Variants in TEKT3 observed in about 807,000 individuals in gnomAD.
TEKT3 encodes the protein tektin 3.
In TEKT3, 49 loss-of-function variants were observed where a neutral mutation model predicts 49.8. That is an observed-to-expected ratio of 0.98 (90% CI 0.78 to 1.25). The LOEUF (loss-of-function observed/expected upper bound fraction) is 1.25. Ranked by LOEUF, TEKT3 falls within the 50% of genes most tolerant of loss-of-function variation. TEKT3 has a pLI of 0.00. For missense variants in TEKT3, 595 were observed against 629.5 expected (o/e 0.95, Z 0.59); for synonymous variants, 225 against 237.2 (o/e 0.95, Z 0.47).
chr17:15,307,109 A>G (rs1597655592), intron 8 of TEKT3: 2 of 152,228 alleles, frequency 1.3e-5, no homozygotes, highest in Admixed American at 1.3e-4. Context: ...CATGGCACTC[A>G]ACACAGACAA....
At chr17:15,341,102 C>T (rs1056326740) in intron 1 of TEKT3, among the ~76,000 whole-genome samples, 1 of 152,172 alleles carries the variant, frequency 6.6e-6, no homozygotes, top group African/African-American at 2.4e-5. Flanking sequence ...CTCTCCTCCC[C>T]GTGGCTGCAG....
chr17:15,328,540 CATTG>C (rs1437063521), intron 3 of TEKT3, among the ~76,000 whole-genome samples: 2 of 152,090 alleles, frequency 1.3e-5, no homozygotes, highest in African/African-American at 2.4e-5. Context: ...TTTAAAGTGT[CATTG>C]ATTGTTTTCC....
At chr17:15,342,458 C>G (rs1236918671), upstream of TEKT3, among the ~76,000 whole-genome samples, 2 of 152,146 alleles carry the variant, frequency 1.3e-5, no homozygotes, top group Non-Finnish European at 2.9e-5. Flanking sequence ...TTTGGCTTTT[C>G]TGGGAATCAC....
chr17:15,340,382 A>C (rs1447581810), intron 1 of TEKT3: 1 of 119,812 alleles, frequency 8.3e-6, no homozygotes, highest in Non-Finnish European at 1.9e-5. Context: ...AAAAATACAA[A>C]AAAAAAAAAA....
chr17:15,308,762 G>C lies in TEKT3; in HGVS notation c.1158C>G (p.Ile386Met), dbSNP rs767361292. 3 of 1,613,934 alleles carry C rather than the reference G, an allele frequency of 1.9e-6. No individual in the cohort carries two copies. The highest frequency in any genetic ancestry group is 8.5e-7 in the Non-Finnish European group (1 of 1,180,038). The change falls in exon 8 of 9, where the codon ATC becomes ATG. Residue 386 changes from isoleucine (I) to methionine (M), a missense_variant. By Grantham distance (10) the Ile-to-Met change is conservative. Transcript: ENST00000395930. Reference sequence around the variant, plus strand: ...CCTTCAGGAAGGCAGTCTTGTCCTTGATGGCCTTCTTGATGGATTCTATGG... The same window carrying C: ...CCTTCAGGAAGGCAGTCTTGTCCTTCATGGCCTTCTTGATGGATTCTATGG... ...EMTIESIKKA[I>M]KDKTAFLKVA... is the part of the protein sequence containing the mutation.
At chr17:15,335,617 T>C (rs1023253993) in intron 2 of TEKT3, among the ~76,000 whole-genome samples, 3 of 152,198 alleles carry the variant, frequency 2.0e-5, no homozygotes, top group African/African-American at 7.2e-5. Context: ...CACTCCAATA[T>C]GTAACATCAC....
intron 2 of TEKT3, among the ~76,000 whole-genome samples, chr17:15,337,226 T>G (rs532929029): frequency 1.3e-4 from 20 of 152,170 alleles, no homozygotes; most frequent in African/African-American, 4.8e-4. Flanking sequence ...CTCAATATTT[T>G]TAAGAATGTA....
intron 2 of TEKT3, among the ~76,000 whole-genome samples, chr17:15,337,434 T>C (rs1912028514): frequency 6.6e-6 from 1 of 152,160 alleles, no homozygotes; most frequent in Non-Finnish European, 1.5e-5. Flanking sequence ...ATGCTGATAA[T>C]TAAACAATCC....
At chr17:15,315,565 T>G in intron 5 of TEKT3, among the ~76,000 whole-genome samples, 1 of 144,246 alleles carries the variant, frequency 6.9e-6, no homozygotes, top group Admixed American at 7.1e-5. Flanking sequence ...CAAGAGAATC[T>G]CCTATGAAAT....
intron 8 of TEKT3, 56 bp downstream of exon 8, chr17:15,308,608 C>A: frequency 1.3e-6 from 2 of 1,575,504 alleles, no homozygotes; most frequent in Non-Finnish European, 1.7e-6. Flanking sequence ...AGCCAGGCAC[C>A]ACAGTTGGTC....
intron 7 of TEKT3, chr17:15,310,928 T>C (rs887659066): frequency 3.3e-5 from 5 of 152,186 alleles, no homozygotes; most frequent in African/African-American, 4.8e-5. Flanking sequence ...CACACCAGAC[T>C]CTTTACAGAC....
intron 4 of TEKT3, among the ~76,000 whole-genome samples, chr17:15,319,647 G>A (rs1911167855): frequency 6.6e-6 from 1 of 152,132 alleles, no homozygotes. Flanking sequence ...CACCCTGGGA[G>A]GTCGCCCTCC....
intron 7 of TEKT3, chr17:15,310,747 T>G: frequency 6.6e-6 from 1 of 152,282 alleles, no homozygotes; most frequent in Middle Eastern, 3.4e-3. Flanking sequence ...AAATAAAAAT[T>G]TGTTGAAGAA....
At position 15,320,312 on chromosome 17, in the gene TEKT3, T is replaced by C. The variant is rs369877274; in HGVS notation, c.664-1165A>G. Among the ~76,000 whole-genome samples, 300 of 152,342 alleles carry C rather than the reference T, an allele frequency of 2.0e-3. 10 individuals carry two copies. In the South Asian group the frequency reaches 0.06, roughly 31 times the overall value. ...TTCACATGCTTGTCCACTTTTTCTG[T>C]CATTTATTTTTTCTTTTTCATTTGT... On this transcript the variant is annotated intron_variant, in intron 4 of 8. Coordinates refer to ENST00000395930, the MANE Select transcript of TEKT3 (RefSeq NM_031898.3).
chr17:15,333,293 T>C (rs1597419806), intron 2 of TEKT3, among the ~76,000 whole-genome samples: 1 of 152,214 alleles, frequency 6.6e-6, no homozygotes. Flanking sequence ...AATTCTTTAG[T>C]GACTACTTAA....
chr17:15,320,530 C>T (rs1435346692), intron 4 of TEKT3, among the ~76,000 whole-genome samples: 2 of 152,150 alleles, frequency 1.3e-5, no homozygotes, highest in Non-Finnish European at 2.9e-5. Context: ...TAAAGGCCTT[C>T]ACCACTCCAA....
chr17:15,337,376 AC>A (rs1912023774), intron 2 of TEKT3, among the ~76,000 whole-genome samples: 1 of 152,150 alleles, frequency 6.6e-6, no homozygotes, highest in Non-Finnish European at 1.5e-5. Context: ...AGAAAAGAGA[AC>A]CAAAAATAAG....
intron 5 of TEKT3, 195 bp from the exon 6 acceptor site, chr17:15,314,425 AACTC>A: frequency 7.3e-6 from 4 of 548,894 alleles, no homozygotes; most frequent in East Asian, 3.5e-5. Flanking sequence ...CTGGGACCCT[AACTC>A]CCACCTTGTC....
At chr17:15,310,688 G>C (rs991437048) in intron 7 of TEKT3, among the ~76,000 whole-genome samples, 19 of 152,182 alleles carry the variant, frequency 1.2e-4, no homozygotes, top group Admixed American at 1.2e-3. Flanking sequence ...CATTACCACA[G>C]TCTGTGGTAC....
Sources: allele counts gnomAD v4.1 joint callset (sites outside exome capture counted in the v4.1 genomes callset), GRCh38; gene constraint gnomAD v4.1.1; transcripts MANE v1.5; gene names NCBI Gene and HGNC (gene_info 2026-07-23, HGNC 2026-07-21).